SLC35F2: variants seen among roughly 807,000 people sequenced by gnomAD.
SLC35F2 encodes the protein queuine/queuosine transporter SLC35F2.
Under a neutral mutation model 38.1 loss-of-function variants are expected in SLC35F2, and 25 were observed. The observed-to-expected ratio is 0.66, with a 90% CI of 0.48 to 0.92. The LOEUF is 0.92. Among genes scored for constraint, SLC35F2 ranks in the 40% least tolerant of loss-of-function variants. The pLI is 0.00. For synonymous variants in SLC35F2, 173 were observed against 181.7 expected (o/e 0.95, Z 0.38); for missense variants, 409 against 452.9 (o/e 0.90, Z 0.88).
At chr11:107,838,004 C>T (rs1345986180) in intron 1 of SLC35F2, among the ~76,000 whole-genome samples, 1 of 151,396 alleles carries the variant, frequency 6.6e-6, no homozygotes, top group African/African-American at 2.4e-5. Context: ...TACTATATAC[C>T]AAGCGCTAAT....
At chr11:107,820,416 G>A (rs1039445670) in intron 1 of SLC35F2, among the ~76,000 whole-genome samples, 1 of 151,964 alleles carries the variant, frequency 6.6e-6, no homozygotes, top group African/African-American at 2.4e-5. Context: ...AAGGAGACTG[G>A]GGCCCAGAAG....
intron 3 of SLC35F2, among the ~76,000 whole-genome samples, chr11:107,811,458 G>GT (rs1859478376): frequency 6.6e-6 from 1 of 152,224 alleles, no homozygotes; most frequent in Middle Eastern, 3.2e-3. Context: ...TGCCATAGCA[G>GT]TTTGGGGGCA....
rs534982987 is a variant in SLC35F2 at position 107,816,872 on chromosome 11, A to G, written c.111-907T>C. On this transcript the variant is annotated intron_variant, in intron 1 of 7. Coordinates refer to ENST00000525815, the MANE Select transcript of SLC35F2 (RefSeq NM_017515.5). ...TGGAGAAATAAACTTGAGAATCATG[A>G]GCATAAATGTGGTGGCTGAATGTGG... Among the ~76,000 whole-genome samples, 6 of 152,310 alleles carry G rather than the reference A, an allele frequency of 3.9e-5. No homozygotes were observed. The South Asian group carries it at 6.2e-4, about 16-fold the overall frequency.
intron 1 of SLC35F2, among the ~76,000 whole-genome samples, chr11:107,853,842 A>G (rs1860232640): frequency 6.6e-6 from 1 of 151,946 alleles, no homozygotes; most frequent in African/African-American, 2.4e-5. Context: ...GATGGGAAAA[A>G]GATAAATATA....
chr11:107,815,674 A>T, intron 2 of SLC35F2, 116 bp downstream of exon 2: 1 of 1,152,472 alleles, frequency 8.7e-7, no homozygotes. Context: ...ACAATTTCAG[A>T]GAATTGTGCA....
chr11:107,800,724 G>C (rs1190158331), intron 7 of SLC35F2, among the ~76,000 whole-genome samples: 1 of 152,010 alleles, frequency 6.6e-6, no homozygotes, highest in African/African-American at 2.4e-5. Flanking sequence ...TGGGACTACA[G>C]GTGCACATTA....
At chr11:107,809,715 T>A (rs1859452694) in intron 3 of SLC35F2, 5 of 981,758 alleles carry the variant, frequency 5.1e-6, no homozygotes, top group Non-Finnish European at 6.0e-6. Context: ...AAAATTATTG[T>A]ATAGTCACAG....
chr11:107,850,487 T>C (rs1860162228), intron 1 of SLC35F2, among the ~76,000 whole-genome samples: 1 of 151,978 alleles, frequency 6.6e-6, no homozygotes, highest in Admixed American at 6.6e-5. Context: ...ATTTATTGGG[T>C]GGGGCCAGGT....
Position 107,795,328 on chromosome 11 carries a change from T to A in SLC35F2, c.940-2528A>T, listed in dbSNP as rs149618397. ...ATAAAAAAATCAACTCAAGGTGGGATTAAAGACTTAAATATAAGACCCAAA... is the reference window on the plus strand; with the variant it reads ...ATAAAAAAATCAACTCAAGGTGGGAATAAAGACTTAAATATAAGACCCAAA... On this transcript the variant is annotated intron_variant, in intron 7 of 7. Transcript: ENST00000525815. Among the ~76,000 whole-genome samples, 541 of 152,196 alleles carry A rather than the reference T, an allele frequency of 3.6e-3. 1 individual carries two copies. Among genetic ancestry groups the A allele is most frequent in the Middle Eastern group, 0.014 (4 of 294 alleles).
At chr11:107,851,134 G>A (rs1443025493) in intron 1 of SLC35F2, among the ~76,000 whole-genome samples, 1 of 151,942 alleles carries the variant, frequency 6.6e-6, no homozygotes, top group South Asian at 2.1e-4. Flanking sequence ...GTGGTGGCAC[G>A]TGCCTGTAGT....
At chr11:107,831,937 AT>A (rs1859849409) in intron 1 of SLC35F2, among the ~76,000 whole-genome samples, 1 of 152,218 alleles carries the variant, frequency 6.6e-6, no homozygotes, top group East Asian at 1.9e-4. Flanking sequence ...CAGTCTCACT[AT>A]TTAATGAAGC....
chr11:107,857,612 C>T (rs1231256942), intron 1 of SLC35F2, among the ~76,000 whole-genome samples: 3 of 152,262 alleles, frequency 2.0e-5, no homozygotes, highest in South Asian at 2.1e-4. Flanking sequence ...ATGCTTACAC[C>T]TTTATCGATC....
chr11:107,808,559 G>C (rs1017692558), intron 3 of SLC35F2, among the ~76,000 whole-genome samples: 1 of 151,950 alleles, frequency 6.6e-6, no homozygotes, highest in African/African-American at 2.4e-5. Flanking sequence ...GATTCTCTCT[G>C]TATCTGTTTG....
chr11:107,816,856 A>G (rs1201742776), intron 1 of SLC35F2, among the ~76,000 whole-genome samples: 2 of 152,198 alleles, frequency 1.3e-5, no homozygotes, highest in Non-Finnish European at 2.9e-5. Flanking sequence ...TTGGAGAAAT[A>G]AACTTGAGAA....
intron 2 of SLC35F2, among the ~76,000 whole-genome samples, chr11:107,812,204 C>T (rs1369091262): frequency 1.3e-5 from 2 of 152,158 alleles, no homozygotes; most frequent in African/African-American, 2.4e-5. Context: ...CCACGCCTGG[C>T]TATTGTGTAT....
At chr11:107,851,576 T>A (rs1012175202) in intron 1 of SLC35F2, among the ~76,000 whole-genome samples, 1 of 149,864 alleles carries the variant, frequency 6.7e-6, no homozygotes, top group African/African-American at 2.5e-5. Context: ...AGAGTGGAAA[T>A]TTTTTCTAAA....
chr11:107,806,615 T>G (rs759785345), intron 4 of SLC35F2, 102 bp downstream of exon 4: 1 of 1,097,808 alleles, frequency 9.1e-7, no homozygotes, highest in African/African-American at 1.5e-5. Flanking sequence ...CACAGTGACT[T>G]AAAAAGAAAT....
chr11:107,804,836 T>C, intron 5 of SLC35F2, 66 bp from the exon 6 acceptor site: 1 of 1,371,018 alleles, frequency 7.3e-7, no homozygotes, highest in East Asian at 2.4e-5. Context: ...ATAAGCATTT[T>C]AGTCACTATA....
At chr11:107,849,305 CTAAG>C (rs1436432349) in intron 1 of SLC35F2, among the ~76,000 whole-genome samples, 2 of 152,080 alleles carry the variant, frequency 1.3e-5, no homozygotes, top group Non-Finnish European at 2.9e-5. Flanking sequence ...TTACAACAGT[CTAAG>C]TGAGAGATGA....
Sources: allele counts gnomAD v4.1 joint callset (sites outside exome capture counted in the v4.1 genomes callset), GRCh38; gene constraint gnomAD v4.1.1; transcripts MANE v1.5; gene names NCBI Gene and HGNC (gene_info 2026-07-23, HGNC 2026-07-21).